Variants in TMEM132B observed in about 807,000 individuals in gnomAD.
The protein encoded by TMEM132B is transmembrane protein 132B.
TMEM132B carries 18 observed loss-of-function variants against 90.8 expected under a neutral mutation model. The ratio of observed to expected loss-of-function variants is 0.20; its 90% CI spans 0.14 to 0.29. TMEM132B has a LOEUF of 0.29. TMEM132B is among the 10% of genes least tolerant of loss of function. The probability of loss-of-function intolerance (pLI) is 1.00; values close to 1 mark genes in which losing one functional copy is unlikely to be tolerated. For synonymous variants in TMEM132B, 504 were observed against 523.3 expected, an observed-to-expected ratio of 0.96 and a Z score of 0.50; for missense variants, 1,096 against 1,326.8, an observed-to-expected ratio of 0.83 and a Z score of 2.70.
At chr12:125,362,828 G>A (rs188800079) in intron 2 of TMEM132B, among the ~76,000 whole-genome samples, 9 of 152,292 alleles carry the variant, frequency 5.9e-5, no homozygotes, top group African/African-American at 9.6e-5. Context: ...CAAGGCCAGC[G>A]TCCATGCTGA....
At chr12:125,456,891 C>A (rs1881305641) in intron 3 of TMEM132B, among the ~76,000 whole-genome samples, 2 of 152,290 alleles carry the variant, frequency 1.3e-5, no homozygotes, top group East Asian at 3.9e-4. Flanking sequence ...TATGAAAAAT[C>A]CCCATTCTCT....
intron 1 of TMEM132B, among the ~76,000 whole-genome samples, chr12:125,323,458 C>CAAA (rs1876482502): frequency 1.1e-5 from 1 of 92,256 alleles, no homozygotes; most frequent in African/African-American, 4.6e-5. Flanking sequence ...CAAAAACAAA[C>CAAA]AAAAAACAAA....
At chr12:125,198,887 G>A (rs550504234) in intron 1 of TMEM132B, among the ~76,000 whole-genome samples, 1 of 152,240 alleles carries the variant, frequency 6.6e-6, no homozygotes, top group Non-Finnish European at 1.5e-5. Flanking sequence ...AAGCTCCTCC[G>A]GCTTCTTTAT....
intron 1 of TMEM132B, among the ~76,000 whole-genome samples, chr12:125,302,209 T>TA (rs544358556): frequency 1.5e-4 from 23 of 148,560 alleles, no homozygotes; most frequent in South Asian, 4.3e-4. Context: ...AAAAATAAAT[T>TA]AAAAAAAAAA....
chr12:125,243,332 A>T (rs1874132586), intron 1 of TMEM132B, among the ~76,000 whole-genome samples: 1 of 138,222 alleles, frequency 7.2e-6, no homozygotes, highest in African/African-American at 2.8e-5. Flanking sequence ...TTTGAGACAG[A>T]GTTTCACTCT....
At chr12:125,281,284 CTG>C (rs1697742614) in intron 1 of TMEM132B, among the ~76,000 whole-genome samples, 1 of 152,172 alleles carries the variant, frequency 6.6e-6, no homozygotes, top group Admixed American at 6.5e-5. Context: ...ATTGAGGAAC[CTG>C]TGTTTTGCTT....
chr12:125,493,140 A>G (rs969952202), intron 3 of TMEM132B, among the ~76,000 whole-genome samples: 7 of 152,026 alleles, frequency 4.6e-5, no homozygotes, highest in Admixed American at 4.6e-4. Flanking sequence ...TCAAAACCAC[A>G]CTGGGAGGTC....
rs907581157 is a variant in TMEM132B at position 125,277,801 on chromosome 12, T to C, written c.68-71651T>C. Reference sequence around the variant, plus strand: ...CAGCTCTGGGGAGCTAACAACGACGTTAAAAAAAGTTGGACAAATGGCTAC... The same window carrying C: ...CAGCTCTGGGGAGCTAACAACGACGCTAAAAAAAGTTGGACAAATGGCTAC... On this transcript the variant is annotated intron_variant, in intron 1 of 8. Transcript: ENST00000682704. The surrounding 1 kb of genome is among the most constrained non-coding windows in gnomAD (Gnocchi z 4.3). Among the ~76,000 whole-genome samples, 2 of 152,182 alleles carry C rather than the reference T, an allele frequency of 1.3e-5. No homozygotes were observed. The highest frequency in any genetic ancestry group is 4.8e-5 in the African/African-American group (2 of 41,440).
chr12:125,209,072 A>G lies in TMEM132B; in HGVS notation c.67+22206A>G, dbSNP rs894312547. ...GGAGGCAGATTATGTTTGGGAAATC[A>G]GAAGGGAGCTCCCGCATGGAGGGGA... On this transcript the variant is annotated intron_variant, in intron 1 of 8. Coordinates refer to ENST00000682704, the MANE Select transcript of TMEM132B (RefSeq NM_001366854.1). This position sits in a 1 kb window ranked among gnomAD's most constrained non-coding sequence, Gnocchi z 4.4. 6.6e-6 allele frequency among the ~76,000 whole-genome samples: 1 copy of G among 152,196 alleles called. No individual in the cohort carries two copies. The highest frequency in any genetic ancestry group is 2.4e-5 in the African/African-American group (1 of 41,444).
chr12:125,346,273 A>G (rs1271712922), intron 1 of TMEM132B, among the ~76,000 whole-genome samples: 1 of 152,186 alleles, frequency 6.6e-6, no homozygotes, highest in African/African-American at 2.4e-5. Flanking sequence ...AAAACAATAA[A>G]CCAATCTACA....
chr12:125,352,501 A>G (rs921154347), intron 2 of TMEM132B, among the ~76,000 whole-genome samples: 2 of 152,232 alleles, frequency 1.3e-5, no homozygotes. Context: ...CAAGTCACTT[A>G]TCGTCTCTGG....
At chr12:125,387,054 T>A (rs1878856382) in intron 2 of TMEM132B, among the ~76,000 whole-genome samples, 1 of 151,766 alleles carries the variant, frequency 6.6e-6, no homozygotes, top group Non-Finnish European at 1.5e-5. Context: ...GAAAAGTGGT[T>A]CTGAAGATCC....
chr12:125,462,862 ATTTG>A (rs1202708776), intron 3 of TMEM132B, among the ~76,000 whole-genome samples: 3 of 152,264 alleles, frequency 2.0e-5, no homozygotes, highest in South Asian at 4.2e-4. Context: ...ATGTTGGCAT[ATTTG>A]TTTGTTTGTT....
chr12:125,215,170 G>A (rs1873406633), intron 1 of TMEM132B, among the ~76,000 whole-genome samples: 3 of 152,172 alleles, frequency 2.0e-5, no homozygotes, highest in Non-Finnish European at 4.4e-5. Context: ...CATCATTGAG[G>A]GCAAATTCTT....
intron 5 of TMEM132B, among the ~76,000 whole-genome samples, chr12:125,629,980 G>A (rs1301579596): frequency 6.6e-6 from 1 of 152,012 alleles, no homozygotes; most frequent in Non-Finnish European, 1.5e-5. Flanking sequence ...TGCATCCCAG[G>A]GATAAATCCC....
chr12:125,596,570 A>G (rs1885444254), intron 5 of TMEM132B, among the ~76,000 whole-genome samples: 1 of 152,198 alleles, frequency 6.6e-6, no homozygotes, highest in Non-Finnish European at 1.5e-5. Flanking sequence ...GATTAGCCTT[A>G]AAGGGCCCCT....
chr12:125,602,466 A>G (rs2136922485), intron 5 of TMEM132B, among the ~76,000 whole-genome samples: 1 of 152,330 alleles, frequency 6.6e-6, no homozygotes, highest in South Asian at 2.1e-4. Flanking sequence ...ACATATCTCA[A>G]AATAATAAGA....
intron 4 of TMEM132B, among the ~76,000 whole-genome samples, chr12:125,557,219 A>G (rs1884412115): frequency 6.6e-6 from 1 of 152,126 alleles, no homozygotes; most frequent in Non-Finnish European, 1.5e-5. Context: ...TTTACCTTAG[A>G]AGACTTTCTA....
chr12:125,387,036 T>C (rs1878855662), intron 2 of TMEM132B, among the ~76,000 whole-genome samples: 1 of 152,138 alleles, frequency 6.6e-6, no homozygotes, highest in Admixed American at 6.6e-5. Context: ...AGGGGAGATG[T>C]TGTCTAAGAA....
Sources: gnomAD v4.1 joint callset for allele counts (sites outside exome capture counted in the v4.1 genomes callset) on GRCh38, gnomAD v4.1.1 for gene constraint, Gnocchi (gnomAD v3.1) non-coding constraint, MANE v1.5 for transcripts, NCBI Gene and HGNC (gene_info 2026-07-23, HGNC 2026-07-21) for gene names.